Variants in RARB observed in about 807,000 individuals in gnomAD.
RARB encodes the protein HBV-activated protein.
In RARB, 17 loss-of-function variants were observed where a neutral mutation model predicts 51.9. That is an observed-to-expected ratio of 0.33 (90% CI 0.22 to 0.49). The LOEUF is 0.49. Among genes scored for constraint, RARB ranks in the 20% least tolerant of loss-of-function variants. The pLI is 0.99. For synonymous variants in RARB, 215 were observed against 195.4 expected (o/e 1.10, Z -0.84); for missense variants, 369 against 550.8 (o/e 0.67, Z 3.30).
At chr3:24,970,738 T>C (rs1696380229) in intron 2 of RARB, among the ~76,000 whole-genome samples, 1 of 151,994 alleles carries the variant, frequency 6.6e-6, no homozygotes, top group African/African-American at 2.4e-5. Context: ...TTCCTCATTC[T>C]TCATGAATAC....
At chr3:24,908,197 C>T (rs571059458) in intron 2 of RARB, among the ~76,000 whole-genome samples, 2 of 152,236 alleles carry the variant, frequency 1.3e-5, no homozygotes, top group South Asian at 2.1e-4. Flanking sequence ...TATTTGGTCT[C>T]CTAGAGGTAT....
intron 5 of RARB, among the ~76,000 whole-genome samples, chr3:25,200,927 T>C (rs984052066): frequency 2.0e-5 from 3 of 152,234 alleles, no homozygotes; most frequent in Admixed American, 6.5e-5. Context: ...CGATGCAGGC[T>C]CTTTTTTGGT....
intron 5 of RARB, among the ~76,000 whole-genome samples, chr3:25,227,032 G>A (rs181697643): frequency 1.8e-4 from 28 of 152,090 alleles, no homozygotes; most frequent in African/African-American, 3.4e-4. Context: ...TTACTGTTTC[G>A]AGTTGTAGTC....
intron 2 of RARB, among the ~76,000 whole-genome samples, chr3:25,008,481 A>G (rs1697322772): frequency 6.6e-6 from 1 of 152,100 alleles, no homozygotes. Flanking sequence ...GCCTCTGAGT[A>G]GCTACCTTAT....
chr3:25,177,682 C>T (rs900354653), intron 5 of RARB, among the ~76,000 whole-genome samples: 1 of 152,142 alleles, frequency 6.6e-6, no homozygotes, highest in Non-Finnish European at 1.5e-5. Context: ...CTCTCATTCC[C>T]TTCTAACTCT....
chr3:25,437,830 A>G (rs1324565198), intron 1 of RARB, among the ~76,000 whole-genome samples: 1 of 152,214 alleles, frequency 6.6e-6, no homozygotes, highest in East Asian at 1.9e-4. Flanking sequence ...GAAGACTTTC[A>G]TGTGGATGTT....
intron 3 of RARB, among the ~76,000 whole-genome samples, chr3:25,077,466 T>C (rs1698893915): frequency 6.6e-6 from 1 of 152,192 alleles, no homozygotes; most frequent in African/African-American, 2.4e-5. Flanking sequence ...TACCCTTTTG[T>C]ATCTATCGCA....
chr3:24,845,111 C>A (rs554985104), intron 1 of RARB, among the ~76,000 whole-genome samples: 1 of 152,286 alleles, frequency 6.6e-6, no homozygotes, highest in Admixed American at 6.5e-5. Context: ...CTCCCCTAAT[C>A]TATTAAGGAT....
intron 2 of RARB, among the ~76,000 whole-genome samples, chr3:25,481,110 C>G (rs533575717): frequency 6.1e-4 from 93 of 152,256 alleles, no homozygotes; most frequent in African/African-American, 2.2e-3. Context: ...ATGGCTTTTT[C>G]AAGGTATTTT....
At chr3:24,969,971 G>A (rs1374980734) in intron 2 of RARB, among the ~76,000 whole-genome samples, 2 of 151,968 alleles carry the variant, frequency 1.3e-5, no homozygotes, top group Non-Finnish European at 2.9e-5. Context: ...TACCACGACC[G>A]AATTTTAAAG....
intron 5 of RARB, among the ~76,000 whole-genome samples, chr3:25,205,860 A>C (rs1232369341): frequency 6.6e-6 from 1 of 151,832 alleles, no homozygotes; most frequent in Non-Finnish European, 1.5e-5. Context: ...CTCCCACCTC[A>C]GCTTCCTCAG....
At chr3:25,094,621 G>C (rs1699259666) in intron 3 of RARB, among the ~76,000 whole-genome samples, 1 of 150,180 alleles carries the variant, frequency 6.7e-6, no homozygotes. Context: ...AGGAGGCTTA[G>C]GGAGAGGATG....
intron 5 of RARB, among the ~76,000 whole-genome samples, chr3:25,281,692 T>G (rs939002595): frequency 6.6e-6 from 1 of 152,322 alleles, no homozygotes; most frequent in African/African-American, 2.4e-5. Flanking sequence ...CTAAGCGTCA[T>G]GCCAGCTCTG....
At position 25,238,555 on chromosome 3, in the gene RARB, G is replaced by C. The variant is rs113338561; in HGVS notation, c.178+63980G>C. On this transcript the variant is annotated intron_variant, in intron 5 of 11. Transcript: ENST00000383772. The stretch of plus-strand genomic sequence containing the variant: ...GGAATTGCTGGATTGTATAGTAGTT[G>C]CATTTTTAGTTTTTTGAAAAATTGC... Among the ~76,000 whole-genome samples the C allele has an allele frequency of 2.8e-3, 427 of 152,208 alleles. 3 individuals carry two copies. Among genetic ancestry groups the C allele is most frequent in the African/African-American group, 9.9e-3 (412 of 41,522 alleles).
chr3:24,962,039 C>T (rs1696153014), intron 2 of RARB, among the ~76,000 whole-genome samples: 1 of 147,754 alleles, frequency 6.8e-6, no homozygotes, highest in South Asian at 2.2e-4. Context: ...ATGCCATTCT[C>T]CTTCCTCAGC....
At chr3:25,308,267 A>G (rs1420353353) in intron 5 of RARB, among the ~76,000 whole-genome samples, 1 of 152,158 alleles carries the variant, frequency 6.6e-6, no homozygotes, top group East Asian at 1.9e-4. Flanking sequence ...CTGTATTTTG[A>G]TAGTTCTGTT....
intron 2 of RARB, among the ~76,000 whole-genome samples, chr3:24,884,914 A>G (rs1703239640): frequency 6.6e-6 from 1 of 152,154 alleles, no homozygotes; most frequent in Non-Finnish European, 1.5e-5. Context: ...GAGAATAGGG[A>G]CATGGGGCCA....
intron 2 of RARB, among the ~76,000 whole-genome samples, chr3:24,964,185 A>G (rs1696205078): frequency 1.3e-5 from 2 of 151,882 alleles, no homozygotes; most frequent in South Asian, 4.2e-4. Context: ...TTTGTGTATA[A>G]AAAGTAAGGT....
intron 5 of RARB, among the ~76,000 whole-genome samples, chr3:25,308,558 C>T (rs322697): frequency 0.15 from 23,320 of 150,852 alleles, 1,913 homozygotes; most frequent in South Asian, 0.25. Flanking sequence ...AAGCGATTCT[C>T]GTGCCTCAGC....
Sources: allele counts gnomAD v4.1 joint callset (sites outside exome capture counted in the v4.1 genomes callset), GRCh38; gene constraint gnomAD v4.1.1; transcripts MANE v1.5; gene names NCBI Gene and HGNC (gene_info 2026-07-23, HGNC 2026-07-21).